ESRRG: variants seen among roughly 807,000 people sequenced by gnomAD.
The protein encoded by ESRRG is estrogen-related receptor gamma.
ESRRG carries 13 observed loss-of-function variants against 44.0 expected under a neutral mutation model. The ratio of observed to expected loss-of-function variants is 0.30; its 90% CI spans 0.19 to 0.47. The LOEUF (loss-of-function observed/expected upper bound fraction) is 0.47, where lower values mean the gene tolerates loss of function less well. Among genes scored for constraint, ESRRG ranks in the 20% least tolerant of loss-of-function variants. The probability of loss-of-function intolerance (pLI) is 1.00; values close to 1 mark genes in which losing one functional copy is unlikely to be tolerated. For missense variants in ESRRG, 395 were observed against 580.6 expected (o/e 0.68, Z 3.29); for synonymous variants, 215 against 214.6 (o/e 1.00, Z -0.02).
intron 1 of ESRRG, among the ~76,000 whole-genome samples, chr1:217,073,935 A>C (rs2090929500): frequency 6.6e-6 from 1 of 152,122 alleles, no homozygotes; most frequent in African/African-American, 2.4e-5. Flanking sequence ...TATCTTTGGT[A>C]GCATATACAC....
chr1:216,765,362 T>C (rs959417039), intron 2 of ESRRG, among the ~76,000 whole-genome samples: 2 of 152,086 alleles, frequency 1.3e-5, no homozygotes, highest in Admixed American at 6.6e-5. Context: ...AAGGACTTTC[T>C]ATGCATTAAG....
intron 3 of ESRRG, among the ~76,000 whole-genome samples, chr1:216,595,025 T>C (rs1438013838): frequency 2.0e-5 from 3 of 152,214 alleles, no homozygotes; most frequent in African/African-American, 7.2e-5. Context: ...GTGATGTTTC[T>C]ATAAACTCCC....
At chr1:216,580,210 T>C (rs958426571) in intron 3 of ESRRG, among the ~76,000 whole-genome samples, 1 of 152,234 alleles carries the variant, frequency 6.6e-6, no homozygotes, top group African/African-American at 2.4e-5. Context: ...TTTACAGCCA[T>C]GCACTATGAT....
chr1:216,573,315 TTGTC>T lies in ESRRG; in HGVS notation c.590-5221_590-5218del, dbSNP rs547165059. ...TTGCTAGTCAGAATGGTTCAATTCT[TTGTC>T]TGGCTCTTTCCATAACTATTTCTAT... is the stretch of plus-strand genomic sequence containing the variant. On this transcript the variant is annotated intron_variant, in intron 3 of 6. Coordinates refer to ENST00000408911, the MANE Select transcript of ESRRG (RefSeq NM_001438.4). Among the ~76,000 whole-genome samples the T allele has an allele frequency of 1.3e-4, 20 of 152,114 alleles. No homozygotes were observed. The South Asian group carries it at 3.9e-3, about 30-fold the overall frequency.
At chr1:216,867,362 T>A (rs1164627234) in intron 2 of ESRRG, among the ~76,000 whole-genome samples, 2 of 152,200 alleles carry the variant, frequency 1.3e-5, no homozygotes, top group Admixed American at 6.5e-5. Flanking sequence ...AACCAGAAAG[T>A]CAACCCAAAT....
At chr1:216,761,799 C>A (rs1343872541) in intron 2 of ESRRG, among the ~76,000 whole-genome samples, 2 of 152,118 alleles carry the variant, frequency 1.3e-5, no homozygotes. Flanking sequence ...TCCTTTCTTC[C>A]TTTCCACTAG....
chr1:216,981,584 TAA>T (rs2073979431), intron 1 of ESRRG, among the ~76,000 whole-genome samples: 4 of 152,164 alleles, frequency 2.6e-5, no homozygotes, highest in Admixed American at 1.3e-4. Context: ...TCTATACATA[TAA>T]GAGACAACAA....
At chr1:216,527,918 C>T (rs2048171223) in intron 5 of ESRRG, among the ~76,000 whole-genome samples, 1 of 152,060 alleles carries the variant, frequency 6.6e-6, no homozygotes, top group Non-Finnish European at 1.5e-5. Flanking sequence ...ATCCTCTGGA[C>T]AGTGGTTTGC....
rs997493142 is a variant in ESRRG, at chr1:216,883,401, A to G, written c.-14+56181T>C. ...ACTTCTCTGAGAAAAAAAAAAAAAA[A>G]AAAAAAAAAAAAAGATACATTGCTC... On this transcript the variant is annotated intron_variant, in intron 2 of 7. Transcript: ENST00000359162. 1.9e-4 allele frequency among the ~76,000 whole-genome samples: 29 copies of G among 150,258 alleles called. 2 individuals are homozygous for G. The South Asian group carries it at 2.9e-3, about 15-fold the overall frequency.
intron 5 of ESRRG, among the ~76,000 whole-genome samples, chr1:216,534,563 A>T (rs967465345): frequency 6.6e-6 from 1 of 152,152 alleles, no homozygotes; most frequent in African/African-American, 2.4e-5. Context: ...GGAAAATAAC[A>T]TTGTATTTAT....
chr1:217,026,912 C>CACACACACACACAGAGAGAGAG (rs1255637839), intron 1 of ESRRG, among the ~76,000 whole-genome samples: 23 of 93,466 alleles, frequency 2.5e-4, no homozygotes, highest in Non-Finnish European at 4.7e-4. Context: ...CACACACACA[C>CACACACACACACAGAGAGAGAG]AGAGAGAGAG....
rs1028572354 is a variant in ESRRG, at chr1:216,505,504, G to T, written c.*1435C>A. 15 of 151,916 alleles carry T rather than the reference G, an allele frequency of 9.9e-5. No homozygotes were observed. The highest frequency in any genetic ancestry group is 3.6e-4 in the African/African-American group (15 of 41,200). 9.4% of individuals were successfully genotyped at this position (151,916 alleles called of 1,614,324 possible). ...CCTTATTGCCTCTTAAATGAATACT[G>T]GCTCACAGCTCCTTCTGAGGCAAGG... On this transcript the variant is annotated 3_prime_UTR_variant, in exon 7 of 7. Transcript: ENST00000408911.
Position 216,769,148 on chromosome 1 carries a change from G to C in ESRRG, c.-13-91657C>G, listed in dbSNP as rs908666279. Reference sequence around the variant, plus strand: ...GGATTACTTCAGGAGACAATCAATTGATTAGAATTTAGCAGGAGAATTGAG... The same window carrying C: ...GGATTACTTCAGGAGACAATCAATTCATTAGAATTTAGCAGGAGAATTGAG... On this transcript the variant is annotated intron_variant, in intron 2 of 7. Transcript: ENST00000359162. Among the ~76,000 whole-genome samples, 8 of 152,222 alleles carry C rather than the reference G, an allele frequency of 5.3e-5. 1 individual carries two copies. The highest frequency in any genetic ancestry group is 1.9e-4 in the African/African-American group (8 of 41,530).
intron 1 of ESRRG, among the ~76,000 whole-genome samples, chr1:217,126,163 A>G (rs1409327860): frequency 2.0e-5 from 3 of 151,808 alleles, no homozygotes; most frequent in Non-Finnish European, 2.9e-5. Flanking sequence ...TCTAAGCCTC[A>G]CTTTCCTCTC....
At position 216,634,467 on chromosome 1, in the gene ESRRG, T is replaced by C. The variant is rs568211102; in HGVS notation, c.589+16506A>G. Among the ~76,000 whole-genome samples the C allele has an allele frequency of 3.3e-5, 5 of 152,208 alleles. 1 individual carries two copies. The South Asian group carries it at 1.0e-3, about 32-fold the overall frequency. ...TTTGAAAAGAACAAAATGGAATACA[T>C]TGTAAGTAATTCAGAATGCCTCCAG... On this transcript the variant is annotated intron_variant, in intron 3 of 6. Transcript: ENST00000408911.
At chr1:217,092,586 C>T (rs939288071), upstream of ESRRG, among the ~76,000 whole-genome samples, 1 of 152,224 alleles carries the variant, frequency 6.6e-6, no homozygotes, top group Non-Finnish European at 1.5e-5. Flanking sequence ...ACTGGCATCA[C>T]TGAGCCATGG....
chr1:216,689,613 A>T (rs985752239), intron 1 of ESRRG, among the ~76,000 whole-genome samples: 1 of 152,034 alleles, frequency 6.6e-6, no homozygotes, highest in Non-Finnish European at 1.5e-5. Flanking sequence ...CAACTATTAG[A>T]GGTAATAAAA....
intron 2 of ESRRG, among the ~76,000 whole-genome samples, chr1:216,731,919 A>G (rs946086155): frequency 6.6e-6 from 1 of 152,190 alleles, no homozygotes; most frequent in Non-Finnish European, 1.5e-5. Flanking sequence ...ATCAAAGACC[A>G]TTTTCATTAG....
At chr1:216,530,297 T>C (rs554772042) in intron 5 of ESRRG, among the ~76,000 whole-genome samples, 1 of 141,972 alleles carries the variant, frequency 7.0e-6, no homozygotes, top group South Asian at 2.2e-4. Context: ...TAGATAGATA[T>C]ATTAAGGTCT....
Sources: gnomAD v4.1 joint callset for allele counts (sites outside exome capture counted in the v4.1 genomes callset) on GRCh38, gnomAD v4.1.1 for gene constraint, MANE v1.5 for transcripts, NCBI Gene and HGNC (gene_info 2026-07-23, HGNC 2026-07-21) for gene names.